Variants in ARHGAP8 observed in about 807,000 individuals in gnomAD.
The protein encoded by ARHGAP8 is rho GTPase-activating protein 8.
In ARHGAP8, 62 loss-of-function variants were observed where a neutral mutation model predicts 46.1. That is an observed-to-expected ratio of 1.34 (90% CI 1.10 to 1.66). The LOEUF is 1.66. ARHGAP8 is among the 40% of genes most tolerant of loss of function. The pLI is 0.00. For synonymous variants in ARHGAP8, 375 were observed against 243.1 expected (o/e 1.54, Z -5.05); for missense variants, 923 against 568.4 (o/e 1.62, Z -6.34).
At chr22:44,860,713 C>T (rs546821014) in intron 11 of ARHGAP8, among the ~76,000 whole-genome samples, 2 of 152,056 alleles carry the variant, frequency 1.3e-5, no homozygotes, top group African/African-American at 4.8e-5. Flanking sequence ...GTGTGCTCTC[C>T]CCCTGGGGCA....
chr22:44,843,857 A>C (rs1931808681), intron 7 of ARHGAP8, among the ~76,000 whole-genome samples: 1 of 151,294 alleles, frequency 6.6e-6, no homozygotes, highest in South Asian at 2.1e-4. Context: ...ATGGGATATG[A>C]GACTTATACT....
intron 7 of ARHGAP8, among the ~76,000 whole-genome samples, chr22:44,835,882 A>C (rs914863594): frequency 6.6e-6 from 1 of 151,958 alleles, no homozygotes; most frequent in Admixed American, 6.6e-5. Context: ...CTGTGTGCGT[A>C]GGATATGCTC....
chr22:44,777,184 G>T (rs1224189341), intron 1 of ARHGAP8: 1 of 152,114 alleles, frequency 6.6e-6, no homozygotes, highest in Non-Finnish European at 1.5e-5. Context: ...ACCTCCCGCT[G>T]GGCCCAGGCC....
intron 11 of ARHGAP8, among the ~76,000 whole-genome samples, 188 bp downstream of exon 11, chr22:44,860,022 TCCTGCCTGTCAGACAGGGCGTACCTGCC>T (rs1240120430): frequency 2.6e-5 from 4 of 151,494 alleles, no homozygotes; most frequent in Non-Finnish European, 5.9e-5. Context: ...GCTGCGGACC[TCCTGCCTGTCAGACAGGGCGTACCTGCC>T]CCTGCCTGCT....
intron 7 of ARHGAP8, among the ~76,000 whole-genome samples, chr22:44,830,533 A>G (rs1165803588): frequency 6.8e-6 from 1 of 146,178 alleles, no homozygotes; most frequent in Non-Finnish European, 1.5e-5. Context: ...ATTTTCTTTT[A>G]TTTATTTTAG....
At chr22:44,858,898 AAT>A (rs1364201783) in intron 10 of ARHGAP8, among the ~76,000 whole-genome samples, 2 of 151,564 alleles carry the variant, frequency 1.3e-5, no homozygotes, top group African/African-American at 4.9e-5. Context: ...CCAGATAGTA[AAT>A]ATGTTAGGCT....
intron 11 of ARHGAP8, among the ~76,000 whole-genome samples, chr22:44,861,804 C>T (rs1015155301): frequency 3.3e-5 from 5 of 152,142 alleles, no homozygotes; most frequent in Admixed American, 2.0e-4. Flanking sequence ...CACGTGTTGG[C>T]GGAGATGGAC....
chr22:44,860,538 T>G (rs59455021), intron 11 of ARHGAP8, among the ~76,000 whole-genome samples: 39,332 of 101,554 alleles, frequency 0.39, 5,430 homozygotes, highest in Non-Finnish European at 0.44. Flanking sequence ...GATGATCTCA[T>G]CTTGAGATCC....
intron 9 of ARHGAP8, among the ~76,000 whole-genome samples, chr22:44,848,529 G>T (rs558201208): frequency 6.6e-6 from 1 of 152,232 alleles, no homozygotes; most frequent in African/African-American, 2.4e-5. Context: ...ACTCGCTCCC[G>T]TCATCAGTTG....
At chr22:44,763,364 G>A (rs1450093045) in intron 1 of ARHGAP8, among the ~76,000 whole-genome samples, 2 of 151,706 alleles carry the variant, frequency 1.3e-5, no homozygotes, top group Non-Finnish European at 2.9e-5. Context: ...AGGCGTAGTG[G>A]TGCGTGCCTG....
At chr22:44,817,876 A>G (rs12170483) in intron 5 of ARHGAP8, among the ~76,000 whole-genome samples, 2 of 152,268 alleles carry the variant, frequency 1.3e-5, no homozygotes, top group Admixed American at 6.5e-5. Flanking sequence ...ACACTTTGGG[A>G]GGCCAAGGCA....
intron 1 of ARHGAP8, among the ~76,000 whole-genome samples, chr22:44,757,860 G>A (rs1307000248): frequency 6.7e-6 from 1 of 149,014 alleles, no homozygotes; most frequent in Non-Finnish European, 1.5e-5. Context: ...CACCATGTTG[G>A]CCAGGCTAGT....
intron 1 of ARHGAP8, among the ~76,000 whole-genome samples, chr22:44,767,071 G>C (rs1925630987): frequency 6.6e-6 from 1 of 152,202 alleles, no homozygotes; most frequent in Non-Finnish European, 1.5e-5. Flanking sequence ...CCTCAGGCTG[G>C]TTTGCTGTGT....
intron 10 of ARHGAP8, among the ~76,000 whole-genome samples, chr22:44,854,011 C>G (rs139328064): frequency 3.7e-5 from 4 of 108,398 alleles, no homozygotes; most frequent in African/African-American, 1.5e-4. Context: ...TGGGACACAG[C>G]GAGACTCTGT....
At chr22:44,756,711 T>C (rs1924711253) in intron 1 of ARHGAP8, among the ~76,000 whole-genome samples, 1 of 151,754 alleles carries the variant, frequency 6.6e-6, no homozygotes, top group Non-Finnish European at 1.5e-5. Flanking sequence ...CCATAAATAC[T>C]GTAAGTTGAA....
chr22:44,812,320 C>T (rs986480507), intron 4 of ARHGAP8, among the ~76,000 whole-genome samples: 8 of 151,462 alleles, frequency 5.3e-5, no homozygotes, highest in African/African-American at 1.7e-4. Context: ...TACTGCCCCC[C>T]GCCCCGCCCC....
At chr22:44,819,429 T>C (rs1045302250) in intron 5 of ARHGAP8, among the ~76,000 whole-genome samples, 4 of 152,182 alleles carry the variant, frequency 2.6e-5, no homozygotes, top group Non-Finnish European at 4.4e-5. Context: ...CCCAGCACTT[T>C]GGGAGGCCAA....
chr22:44,854,040 A>G (rs934280397), intron 10 of ARHGAP8, among the ~76,000 whole-genome samples: 1 of 140,624 alleles, frequency 7.1e-6, no homozygotes, highest in African/African-American at 2.8e-5. Flanking sequence ...AAAAAAAAAA[A>G]AAAAAAAAAA....
chr22:44,799,750 G>T (rs1019517086), intron 2 of ARHGAP8, among the ~76,000 whole-genome samples: 1 of 150,930 alleles, frequency 6.6e-6, no homozygotes, highest in Admixed American at 6.7e-5. Context: ...TCTGGGAAGC[G>T]GGGCGGCCCA....
Sources: allele counts gnomAD v4.1 joint callset (sites outside exome capture counted in the v4.1 genomes callset), GRCh38; gene constraint gnomAD v4.1.1; transcripts MANE v1.5; gene names NCBI Gene and HGNC (gene_info 2026-07-23, HGNC 2026-07-21).